PARD3B: variants seen among roughly 807,000 people sequenced by gnomAD.
PARD3B encodes the protein par-3 family cell polarity regulator beta.
A neutral mutation model predicts 130.2 loss-of-function variants in PARD3B; 103 were observed. The observed-to-expected ratio is 0.79, with a 90% confidence interval of 0.67 to 0.93. The LOEUF (loss-of-function observed/expected upper bound fraction) is 0.93, where lower values mean the gene tolerates loss of function less well. Among genes scored for constraint, PARD3B ranks in the 40% least tolerant of loss-of-function variants. The pLI is 0.00. For missense variants in PARD3B, 1,609 were observed against 1,499.2 expected, an observed-to-expected ratio of 1.07 and a Z score of -1.21; for synonymous variants, 583 against 553.2, an observed-to-expected ratio of 1.05 and a Z score of -0.76.
At chr2:205,496,447 G>C (rs936591720) in intron 20 of PARD3B, among the ~76,000 whole-genome samples, 6 of 152,100 alleles carry the variant, frequency 3.9e-5, no homozygotes, top group African/African-American at 1.4e-4. Flanking sequence ...ACCACAAAAG[G>C]TTTGCACAGT....
intron 3 of PARD3B, among the ~76,000 whole-genome samples, chr2:204,976,875 G>A (rs949202160): frequency 2.0e-5 from 3 of 152,040 alleles, no homozygotes; most frequent in Non-Finnish European, 4.4e-5. Context: ...CTCCCAAAGT[G>A]CTGGGATTAC....
chr2:204,734,429 T>C (rs970673211), intron 2 of PARD3B, among the ~76,000 whole-genome samples: 3 of 152,160 alleles, frequency 2.0e-5, no homozygotes, highest in East Asian at 1.9e-4. Flanking sequence ...ATGAAACTTA[T>C]GGTCCCACAA....
chr2:205,299,127 C>T (rs190927498), intron 16 of PARD3B, among the ~76,000 whole-genome samples: 22 of 152,214 alleles, frequency 1.4e-4, no homozygotes, highest in South Asian at 2.1e-4. Context: ...TTAACACGTT[C>T]GGATCATAGG....
intron 13 of PARD3B, among the ~76,000 whole-genome samples, chr2:205,180,976 C>A (rs556242650): frequency 6.6e-6 from 1 of 152,098 alleles, no homozygotes; most frequent in Non-Finnish European, 1.5e-5. Context: ...TACCCTGGGC[C>A]GAGGAATAGC....
chr2:204,632,879 T>C (rs1399056165), intron 1 of PARD3B, among the ~76,000 whole-genome samples: 1 of 152,238 alleles, frequency 6.6e-6, no homozygotes, highest in Admixed American at 6.5e-5. Flanking sequence ...TATTTCAGTA[T>C]TCACTCGCAC....
chr2:204,872,715 G>C (rs2125650663), intron 2 of PARD3B, among the ~76,000 whole-genome samples: 1 of 152,242 alleles, frequency 6.6e-6, no homozygotes, highest in African/African-American at 2.4e-5. Flanking sequence ...GCTCTATGCT[G>C]TTCACATATT....
chr2:205,145,831 A>AG (rs902112095), intron 10 of PARD3B, among the ~76,000 whole-genome samples: 4 of 151,858 alleles, frequency 2.6e-5, no homozygotes, highest in African/African-American at 7.3e-5. Context: ...GTCAAAAAAA[A>AG]AAAAAAAAAC....
In PARD3B at chr2:204,574,193, C is replaced by T. The variant is rs1182861858; in HGVS notation, c.120+28074C>T. On this transcript the variant is annotated intron_variant, in intron 1 of 22. Transcript: ENST00000406610. ...TAAGAACCATGATATCAGAAAGATGCTTCATTGCAATAGTAGCTGTTGATT... is the reference window on the plus strand; with the variant it reads ...TAAGAACCATGATATCAGAAAGATGTTTCATTGCAATAGTAGCTGTTGATT... 2.0e-5 allele frequency among the ~76,000 whole-genome samples: 3 copies of T among 152,280 alleles called. No individual in the cohort carries two copies. The South Asian group carries it at 6.2e-4, about 32-fold the overall frequency.
At chr2:204,605,596 G>A (rs758869668) in intron 1 of PARD3B, among the ~76,000 whole-genome samples, 3 of 152,112 alleles carry the variant, frequency 2.0e-5, no homozygotes, top group South Asian at 2.1e-4. Flanking sequence ...TTCTGTGATG[G>A]AAGTATAGTG....
chr2:205,131,174 G>GAA (rs1353169728), intron 10 of PARD3B, among the ~76,000 whole-genome samples: 1 of 152,030 alleles, frequency 6.6e-6, no homozygotes, highest in African/African-American at 2.4e-5. Flanking sequence ...GATACTTAAG[G>GAA]AAAAATGAAT....
chr2:204,732,065 A>G (rs2039532541), intron 2 of PARD3B, among the ~76,000 whole-genome samples: 1 of 143,882 alleles, frequency 7.0e-6, no homozygotes, highest in African/African-American at 2.5e-5. Flanking sequence ...TCCTCTTTCC[A>G]TGTAGAAAAT....
At chr2:204,971,872 A>G (rs889432405) in intron 3 of PARD3B, among the ~76,000 whole-genome samples, 8 of 119,506 alleles carry the variant, frequency 6.7e-5, no homozygotes, top group South Asian at 2.6e-4. Context: ...GGGTCTTGCT[A>G]TGTTGCTCAG....
At chr2:205,523,791 A>G (rs1437851855) in intron 21 of PARD3B, among the ~76,000 whole-genome samples, 1 of 114,482 alleles carries the variant, frequency 8.7e-6, no homozygotes, top group Non-Finnish European at 1.9e-5. Flanking sequence ...TCAGTTCTTT[A>G]TTTTGATTCA....
chr2:204,682,608 C>T (rs1574692953), intron 1 of PARD3B, among the ~76,000 whole-genome samples: 1 of 152,134 alleles, frequency 6.6e-6, no homozygotes, highest in Non-Finnish European at 1.5e-5. Flanking sequence ...ACCAGGAAAC[C>T]AGTTGCATGG....
chr2:204,588,180 A>G (rs1574505671), intron 1 of PARD3B, among the ~76,000 whole-genome samples: 2 of 152,198 alleles, frequency 1.3e-5, no homozygotes, highest in African/African-American at 4.8e-5. Flanking sequence ...TGATGTGCAG[A>G]CTGGCTTCCG....
intron 15 of PARD3B, among the ~76,000 whole-genome samples, chr2:205,217,410 T>C (rs1270663615): frequency 6.6e-6 from 1 of 152,208 alleles, no homozygotes; most frequent in Non-Finnish European, 1.5e-5. Flanking sequence ...AAGAGAGCAA[T>C]GTCCTGATTC....
intron 2 of PARD3B, among the ~76,000 whole-genome samples, chr2:204,834,096 C>G (rs1276160563): frequency 1.3e-5 from 2 of 152,102 alleles, no homozygotes; most frequent in African/African-American, 4.8e-5. Context: ...TTTTTAGGAA[C>G]TACCTTGGCA....
chr2:204,965,622 T>C (rs1332035995), intron 3 of PARD3B, among the ~76,000 whole-genome samples: 1 of 152,046 alleles, frequency 6.6e-6, no homozygotes, highest in Non-Finnish European at 1.5e-5. Flanking sequence ...TTTAAAAAAT[T>C]CCTGAAAAAA....
intron 20 of PARD3B, among the ~76,000 whole-genome samples, chr2:205,488,650 A>G (rs1289633749): frequency 6.6e-6 from 1 of 152,176 alleles, no homozygotes; most frequent in Non-Finnish European, 1.5e-5. Flanking sequence ...CATGTTGTAC[A>G]AGTAATATAC....
Sources: gnomAD v4.1 joint callset for allele counts (sites outside exome capture counted in the v4.1 genomes callset) on GRCh38, gnomAD v4.1.1 for gene constraint, MANE v1.5 for transcripts, NCBI Gene and HGNC (gene_info 2026-07-23, HGNC 2026-07-21) for gene names.